GABBR2: variants seen among roughly 807,000 people sequenced by gnomAD.
GABBR2 encodes the protein G-protein coupled receptor 51.
In GABBR2, 23 loss-of-function variants were observed where a neutral mutation model predicts 105.6. That is an observed-to-expected ratio of 0.22 (90% CI 0.16 to 0.31). GABBR2 has a LOEUF of 0.31. Among genes scored for constraint, GABBR2 ranks in the 10% least tolerant of loss-of-function variants. GABBR2 has a pLI of 1.00. For missense variants in GABBR2, 734 were observed against 1,245.5 expected (o/e 0.59, Z 6.18); for synonymous variants, 478 against 499.7 (o/e 0.96, Z 0.58).
chr9:98,326,428 A>T (rs1830925585), intron 13 of GABBR2, among the ~76,000 whole-genome samples: 1 of 152,246 alleles, frequency 6.6e-6, no homozygotes, highest in African/African-American at 2.4e-5. Context: ...AGAGTGGTAG[A>T]GGCTGATGCC....
intron 1 of GABBR2, among the ~76,000 whole-genome samples, chr9:98,705,419 T>C (rs1451277224): frequency 6.6e-6 from 1 of 152,198 alleles, no homozygotes; most frequent in African/African-American, 2.4e-5. Flanking sequence ...CCTTGCTAAA[T>C]CTCCATCTCT....
rs1240228943 is a variant in GABBR2, at chr9:98,436,394, TATATATATATATAG to T, written c.1236+17573_1236+17586del. Reference sequence around the variant, plus strand: ...ATATATATATATATATATATATATATATATATATATATAGTATGGCGTTCTTTCTTCTACTACCA... The same window carrying T: ...ATATATATATATATATATATATATATTATGGCGTTCTTTCTTCTACTACCA... On this transcript the variant is annotated intron_variant, in intron 7 of 18. Coordinates refer to ENST00000259455, the MANE Select transcript of GABBR2 (RefSeq NM_005458.8). 2.3e-3 allele frequency among the ~76,000 whole-genome samples: 123 copies of T among 52,678 alleles called. 6 individuals are homozygous for T. The highest frequency in any genetic ancestry group is 5.1e-3 in the African/African-American group (69 of 13,432). 34.6% of individuals were successfully genotyped at this position (52,678 alleles called of 152,430 possible).
chr9:98,498,433 T>C (rs1489690395), intron 3 of GABBR2, among the ~76,000 whole-genome samples: 2 of 152,224 alleles, frequency 1.3e-5, no homozygotes, highest in Non-Finnish European at 2.9e-5. Flanking sequence ...ATTTCAACAC[T>C]TGGTGGATCC....
intron 1 of GABBR2, among the ~76,000 whole-genome samples, chr9:98,667,030 AG>A (rs903668557): frequency 1.2e-4 from 19 of 152,210 alleles, no homozygotes; most frequent in African/African-American, 4.3e-4. Flanking sequence ...TAGACAGTGC[AG>A]CAGTCATGGT....
intron 6 of GABBR2, among the ~76,000 whole-genome samples, chr9:98,466,053 T>TCCTTCTGCTC (rs1455240884): frequency 6.6e-6 from 1 of 152,188 alleles, no homozygotes; most frequent in Non-Finnish European, 1.5e-5. Flanking sequence ...TCCTCCTGCT[T>TCCTTCTGCTC]CCTTCTGCTC....
At chr9:98,352,661 C>T (rs926535352) in intron 13 of GABBR2, among the ~76,000 whole-genome samples, 2 of 151,996 alleles carry the variant, frequency 1.3e-5, no homozygotes, top group Admixed American at 6.6e-5. Context: ...CATGAGGGTC[C>T]TGCTGCTGGA....
chr9:98,652,263 C>G (rs1477216764), intron 1 of GABBR2, among the ~76,000 whole-genome samples: 1 of 152,152 alleles, frequency 6.6e-6, no homozygotes, highest in African/African-American at 2.4e-5. Flanking sequence ...CCTAGGAATA[C>G]AGAAGCCATG....
intron 1 of GABBR2, among the ~76,000 whole-genome samples, chr9:98,642,293 C>A (rs543903692): frequency 1.3e-5 from 2 of 152,336 alleles, no homozygotes; most frequent in South Asian, 4.1e-4. Context: ...AGGCCCACTG[C>A]CTCCAGCATC....
chr9:98,430,639 A>G (rs1462848044), intron 7 of GABBR2, among the ~76,000 whole-genome samples: 2 of 152,234 alleles, frequency 1.3e-5, no homozygotes, highest in East Asian at 3.9e-4. Context: ...GTAAGTACTC[A>G]GCTGAGGGTG....
intron 4 of GABBR2, among the ~76,000 whole-genome samples, chr9:98,491,876 T>C (rs1827181565): frequency 6.6e-6 from 1 of 152,216 alleles, no homozygotes; most frequent in South Asian, 2.1e-4. Context: ...CAATGATCCC[T>C]GCTCAGCCGT....
chr9:98,310,394 G>T (rs1024195338), intron 14 of GABBR2, among the ~76,000 whole-genome samples: 1 of 151,916 alleles, frequency 6.6e-6, no homozygotes, highest in Non-Finnish European at 1.5e-5. Context: ...GATTACAGGC[G>T]CCCACAACCA....
chr9:98,320,686 G>C (rs989165183), intron 13 of GABBR2, among the ~76,000 whole-genome samples: 2 of 151,942 alleles, frequency 1.3e-5, no homozygotes, highest in African/African-American at 4.8e-5. Flanking sequence ...TAGGGACATG[G>C]ATGAAATTGG....
chr9:98,696,911 G>C (rs534482915), intron 1 of GABBR2, among the ~76,000 whole-genome samples: 2 of 152,312 alleles, frequency 1.3e-5, no homozygotes, highest in South Asian at 4.1e-4. Flanking sequence ...GGTGGACAGA[G>C]AAATGGGAGA....
At chr9:98,685,583 TC>T (rs1830610307) in intron 1 of GABBR2, among the ~76,000 whole-genome samples, 2 of 152,252 alleles carry the variant, frequency 1.3e-5, no homozygotes, top group Non-Finnish European at 2.9e-5. Flanking sequence ...GATGTCTATC[TC>T]CCCACTAGAA....
At chr9:98,675,775 G>C (rs12341571) in intron 1 of GABBR2, among the ~76,000 whole-genome samples, 13,528 of 152,168 alleles carry the variant, frequency 0.089, 1,203 homozygotes, top group African/African-American at 0.23. Context: ...CTTTTGCTTT[G>C]TATAAAGAGA....
intron 1 of GABBR2, among the ~76,000 whole-genome samples, chr9:98,595,151 G>A (rs1014721794): frequency 6.6e-6 from 1 of 152,186 alleles, no homozygotes; most frequent in Non-Finnish European, 1.5e-5. Context: ...CAAGGCGCCA[G>A]CAGATTTGGT....
intron 2 of GABBR2, among the ~76,000 whole-genome samples, chr9:98,572,995 T>C (rs1828854107): frequency 6.6e-6 from 1 of 152,214 alleles, no homozygotes; most frequent in African/African-American, 2.4e-5. Context: ...GCAGAGCGAT[T>C]CTGTGGAGGT....
At chr9:98,611,493 T>A (rs1353085784) in intron 1 of GABBR2, among the ~76,000 whole-genome samples, 1 of 144,350 alleles carries the variant, frequency 6.9e-6, no homozygotes, top group Admixed American at 7.0e-5. Context: ...AATGAATGAA[T>A]GAAATTGGAA....
intron 8 of GABBR2, among the ~76,000 whole-genome samples, chr9:98,402,818 C>T (rs752030953): frequency 3.9e-5 from 6 of 152,140 alleles, no homozygotes; most frequent in East Asian, 3.9e-4. Flanking sequence ...GATGGCTCAT[C>T]GCACAGCTTG....
Sources: gnomAD v4.1 joint callset for allele counts (sites outside exome capture counted in the v4.1 genomes callset) on GRCh38, gnomAD v4.1.1 for gene constraint, MANE v1.5 for transcripts, NCBI Gene and HGNC (gene_info 2026-07-23, HGNC 2026-07-21) for gene names.